Variants in PCDH15 observed in about 807,000 individuals in gnomAD.
PCDH15 encodes protocadherin related 15.
PCDH15 carries 129 observed loss-of-function variants against 178.5 expected under a neutral mutation model. That is an observed-to-expected ratio of 0.72 (90% confidence interval 0.63 to 0.84). PCDH15 has a LOEUF of 0.84. Ranked by LOEUF, PCDH15 falls within the 40% of genes least tolerant of loss-of-function variation. The pLI, the probability that PCDH15 is intolerant of heterozygous loss-of-function variation, is 0.00. For synonymous variants in PCDH15, 800 were observed against 732.0 expected, an observed-to-expected ratio of 1.09 and a Z score of -1.50; for missense variants, 2,230 against 2,099.9, an observed-to-expected ratio of 1.06 and a Z score of -1.21.
intron 2 of PCDH15, among the ~76,000 whole-genome samples, chr10:55,520,826 T>C (rs764049900): frequency 2.6e-4 from 40 of 151,928 alleles, no homozygotes; most frequent in Non-Finnish European, 5.2e-4. Flanking sequence ...TGAGATATAA[T>C]TAACAAAATG....
At chr10:54,045,695 CA>C (rs1429638103) in intron 18 of PCDH15, among the ~76,000 whole-genome samples, 1 of 152,078 alleles carries the variant, frequency 6.6e-6, no homozygotes, top group Non-Finnish European at 1.5e-5. Context: ...ACTCCACACA[CA>C]AAAATCATTT....
At chr10:54,622,702 C>A (rs1440223577) in intron 2 of PCDH15, among the ~76,000 whole-genome samples, 11 of 23,132 alleles carry the variant, frequency 4.8e-4, no homozygotes, top group East Asian at 1.8e-3. Flanking sequence ...TATATATTTT[C>A]TATATATTAT....
intron 26 of PCDH15, among the ~76,000 whole-genome samples, chr10:53,879,460 T>C (rs1384374573): frequency 6.6e-6 from 1 of 152,118 alleles, no homozygotes; most frequent in African/African-American, 2.4e-5. Flanking sequence ...CTAATGTAAC[T>C]AAGGAATAAT....
chr10:55,333,508 T>C (rs1046712097), intron 2 of PCDH15, among the ~76,000 whole-genome samples: 1 of 151,996 alleles, frequency 6.6e-6, no homozygotes. Flanking sequence ...CAGTAAACAA[T>C]TGGGAGAACT....
rs555938828 is a variant in PCDH15, at chr10:54,746,802, A to AAGGGAAAAGGCTTAT, written c.-29+54108_-29+54122dup. Among the ~76,000 whole-genome samples the AAGGGAAAAGGCTTAT allele has an allele frequency of 5.9e-3, 891 of 152,294 alleles. 34 individuals are homozygous for AAGGGAAAAGGCTTAT. The highest frequency in any genetic ancestry group is 0.054 in the Admixed American group (826 of 15,294). On this transcript the variant is annotated intron_variant, in intron 1 of 37. Coordinates refer to ENST00000644397, the MANE Select transcript of PCDH15 (RefSeq NM_001384140.1). ...GAAAGGCTACACAGCAAAATCAGCA[A>AAGGGAAAAGGCTTAT]AGGGAAAAGGCTTATGGGGCAAAGT...
chr10:55,428,049 C>T (rs116798989), intron 2 of PCDH15, among the ~76,000 whole-genome samples: 1,752 of 151,944 alleles, frequency 0.012, 34 homozygotes, highest in African/African-American at 0.039. Context: ...TTTTTTGATA[C>T]TTGATTTATG....
At chr10:55,520,345 TATATAC>T (rs1565218282) in intron 2 of PCDH15, among the ~76,000 whole-genome samples, 1 of 112,050 alleles carries the variant, frequency 8.9e-6, no homozygotes, top group Non-Finnish European at 1.8e-5. Flanking sequence ...TATATATATA[TATATAC>T]ACATTGTCAC....
chr10:54,028,073 A>G (rs2093168814), intron 18 of PCDH15, among the ~76,000 whole-genome samples: 1 of 151,468 alleles, frequency 6.6e-6, no homozygotes, highest in African/African-American at 2.4e-5. Flanking sequence ...AGAATCTACA[A>G]TGAACTCAAA....
intron 2 of PCDH15, among the ~76,000 whole-genome samples, chr10:55,529,980 T>G (rs111423333): frequency 7.9e-5 from 12 of 151,418 alleles, no homozygotes; most frequent in African/African-American, 2.9e-4. Context: ...CAGAGTATTT[T>G]AAAGCATAAA....
At chr10:54,678,096 C>T (rs988654412) in intron 1 of PCDH15, among the ~76,000 whole-genome samples, 6 of 151,982 alleles carry the variant, frequency 3.9e-5, no homozygotes, top group African/African-American at 1.5e-4. Context: ...AGGATTTTCT[C>T]AAAAGAGAAA....
At chr10:54,748,930 C>T (rs183887845) in intron 1 of PCDH15, among the ~76,000 whole-genome samples, 1 of 152,198 alleles carries the variant, frequency 6.6e-6, no homozygotes, top group Admixed American at 6.5e-5. Context: ...TGCTTTCTAA[C>T]TCTCTTTCTT....
At chr10:55,130,888 T>TA (rs1330862461) in intron 2 of PCDH15, among the ~76,000 whole-genome samples, 2 of 152,252 alleles carry the variant, frequency 1.3e-5, no homozygotes, top group Admixed American at 6.5e-5. Context: ...GGAATTATTA[T>TA]AAAAAATGTT....
chr10:54,357,855 C>T (rs1157536672), intron 5 of PCDH15, among the ~76,000 whole-genome samples: 1 of 151,986 alleles, frequency 6.6e-6, no homozygotes, highest in Admixed American at 6.6e-5. Context: ...TCAGAAATAA[C>T]ACCACATATC....
At chr10:53,899,988 GAC>G (rs2082216906) in intron 26 of PCDH15, among the ~76,000 whole-genome samples, 1 of 72,494 alleles carries the variant, frequency 1.4e-5, no homozygotes, top group African/African-American at 6.3e-5. Context: ...CCTCTACTTA[GAC>G]TGTGTCTTCC....
At chr10:53,814,848 C>T (rs2076003834) in intron 35 of PCDH15, among the ~76,000 whole-genome samples, 1 of 151,864 alleles carries the variant, frequency 6.6e-6, no homozygotes, top group Non-Finnish European at 1.5e-5. Flanking sequence ...CCTGTAATCC[C>T]AGCTACTCGG....
chr10:55,323,607 A>T (rs1449724465), upstream of PCDH15, among the ~76,000 whole-genome samples: 1 of 152,188 alleles, frequency 6.6e-6, no homozygotes. Context: ...ATGGAGTTGT[A>T]TGGGCCTGTA....
chr10:54,403,586 T>C (rs1952220206), intron 3 of PCDH15, among the ~76,000 whole-genome samples: 1 of 151,996 alleles, frequency 6.6e-6, no homozygotes, highest in Non-Finnish European at 1.5e-5. Flanking sequence ...TTGGAAGTTC[T>C]GGCCAGAGCA....
intron 16 of PCDH15, among the ~76,000 whole-genome samples, chr10:54,082,807 TA>T (rs1199254723): frequency 5.4e-5 from 8 of 149,370 alleles, no homozygotes; most frequent in East Asian, 2.0e-4. Flanking sequence ...ATCGAGAAAG[TA>T]AAAAAAACAA....
At chr10:54,729,754 G>A (rs1776594874) in intron 1 of PCDH15, among the ~76,000 whole-genome samples, 1 of 151,484 alleles carries the variant, frequency 6.6e-6, no homozygotes, top group Admixed American at 6.6e-5. Flanking sequence ...GAAATGAACA[G>A]ACATTTCTCA....
Sources: gnomAD v4.1 joint callset for allele counts (sites outside exome capture counted in the v4.1 genomes callset) on GRCh38, gnomAD v4.1.1 for gene constraint, MANE v1.5 for transcripts, NCBI Gene and HGNC (gene_info 2026-07-23, HGNC 2026-07-21) for gene names.